Variants in ABCA6 observed in about 807,000 individuals in gnomAD.
The protein encoded by ABCA6 is ATP binding cassette subfamily A member 6.
ABCA6 carries 164 observed loss-of-function variants against 191.2 expected under a neutral mutation model. The ratio of observed to expected loss-of-function variants is 0.86; its 90% CI spans 0.76 to 0.98. ABCA6 has a LOEUF of 0.98. ABCA6 is among the 50% of genes least tolerant of loss of function. ABCA6 has a pLI of 0.00. For missense variants in ABCA6, 1,958 were observed against 1,894.1 expected (o/e 1.03, Z -0.63); for synonymous variants, 636 against 647.7 (o/e 0.98, Z 0.27).
chr17:69,082,957 T>C lies in ABCA6; in HGVS notation c.4532A>G (p.Glu1511Gly). Residue 1511 changes from glutamate (E) to glycine (G), a missense_variant, in exon 36 of 39, where the codon GAG becomes GGG. Glu to Gly is a moderately conservative substitution (Grantham distance 98). Coordinates refer to ENST00000284425, the MANE Select transcript of ABCA6 (RefSeq NM_080284.3). ...TTGAGACGTTTCCTTCACTTTTAGCTCTAGAATGTAATCCTTGCCAAGTTT... is the reference window on the plus strand; with the variant it reads ...TTGAGACGTTTCCTTCACTTTTAGCCCTAGAATGTAATCCTTGCCAAGTTT... ...KNKLGKDYIL[E>G]LKVKETSQVT... 6.2e-7 allele frequency: 1 copy of C among 1,614,214 alleles called. No individual in the cohort carries two copies. Among genetic ancestry groups the C allele is most frequent in the Non-Finnish European group, 8.5e-7 (1 of 1,180,036 alleles).
At chr17:69,093,997 T>C (rs1236182566) in intron 25 of ABCA6, among the ~76,000 whole-genome samples, 1 of 152,230 alleles carries the variant, frequency 6.6e-6, no homozygotes, top group Non-Finnish European at 1.5e-5. Context: ...CTTGCCTTAT[T>C]TGAATCCATA....
chr17:69,117,774 C>T (rs1354476239), intron 11 of ABCA6, 124 bp downstream of exon 11: 11 of 651,562 alleles, frequency 1.7e-5, no homozygotes, highest in African/African-American at 9.5e-5. Flanking sequence ...CAAGTGATAG[C>T]GTTATTTATA....
intron 31 of ABCA6, 88 bp downstream of exon 31, chr17:69,085,537 A>C: frequency 1.3e-6 from 1 of 793,958 alleles, no homozygotes; most frequent in Non-Finnish European, 1.9e-6. Flanking sequence ...AAAAAAAAAG[A>C]AAAGAAAAAT....
At chr17:69,109,786 G>A (rs1004616728) in intron 17 of ABCA6, 3 of 152,184 alleles carry the variant, frequency 2.0e-5, no homozygotes, top group Middle Eastern at 3.4e-3. Flanking sequence ...CAACTGTCAC[G>A]GTATTGCAGT....
In ABCA6 at chr17:69,083,276, G is replaced by A. The variant is rs1359790991; in HGVS notation, c.4411C>T (p.His1471Tyr). The A allele has an allele frequency of 8.1e-6, 13 of 1,610,594 alleles. No individual in the cohort carries two copies. Among genetic ancestry groups the A allele is most frequent in the South Asian group, 5.5e-5 (5 of 90,406 alleles). ...NTERGVLLTT[H>Y]NLAEAEALCD... ...AAGGCTTCCGCCTCAGCCAGGTTAT[G>A]GGTGGTCAGGAGGACACCTCTCTCT... is the stretch of plus-strand genomic sequence containing the variant. The change falls in exon 35 of 39, where the codon CAT becomes TAT. Residue 1471 changes from histidine to tyrosine, a missense_variant. His to Tyr is a moderately conservative substitution (Grantham distance 83, BLOSUM62 2). Coordinates refer to ENST00000284425, the MANE Select transcript of ABCA6 (RefSeq NM_080284.3).
rs769589427 is a variant in ABCA6 at position 69,110,920 on chromosome 17, C to A, written c.2153G>T (p.Cys718Phe). The change falls in exon 17 of 39, where the codon TGT becomes TTT. Residue 718 changes from cysteine (C) to phenylalanine (F), a missense_variant. Physicochemically the swap from Cys to Phe is radical, Grantham distance 205. Coordinates refer to ENST00000284425, the MANE Select transcript of ABCA6 (RefSeq NM_080284.3). The stretch of plus-strand genomic sequence containing the variant: ...GAAGGATGTTATTTGTTCTGGGTTA[C>A]ATATTTCATTCCTATGTAAACTAAT... Reference protein sequence around the residue: ...YHLSLHRNEICNPEQITSFIT... With the variant: ...YHLSLHRNEIFNPEQITSFIT... 6.2e-7 allele frequency: 1 copy of A among 1,604,522 alleles called. No individual in the cohort carries two copies. Among genetic ancestry groups the A allele is most frequent in the Non-Finnish European group, 8.5e-7 (1 of 1,176,466 alleles).
intron 20 of ABCA6, 128 bp from the exon 21 acceptor site, chr17:69,103,096 G>T: frequency 1.8e-6 from 1 of 559,068 alleles, no homozygotes; most frequent in Non-Finnish European, 3.0e-6. Flanking sequence ...CTTTCTTTGG[G>T]TATCACAATA....
In ABCA6 at chr17:69,113,665, G is replaced by C. The variant is rs780862905; in HGVS notation, c.1855C>G (p.Gln619Glu). Reference protein sequence around the residue: ...DNLAKHLSEGQKRKLTFGITI... With the variant: ...DNLAKHLSEGEKRKLTFGITI... The stretch of plus-strand genomic sequence containing the variant: ...ATCCCAAAAGTCAGCTTTCTTTTCT[G>C]TCCTTCACTTAAATGTTTAGCAAGG... Residue 619 changes from glutamine (Q) to glutamate (E), a missense_variant, in exon 14 of 39, where the codon CAG becomes GAG. Physicochemically the swap from Gln to Glu is conservative, Grantham distance 29. Coordinates refer to ENST00000284425, the MANE Select transcript of ABCA6 (RefSeq NM_080284.3). The C allele has an allele frequency of 6.2e-7, 1 of 1,612,946 alleles. No individual in the cohort carries two copies. The highest frequency in any genetic ancestry group is 1.1e-5 in the South Asian group (1 of 91,074).
rs769775113 is a variant in ABCA6, at chr17:69,102,980, T to G, written c.2741-12A>C. ...TTCAATATTTGATTCTAATATGAAG[T>G]TAATAAGAGAAGGCCATAGAAAAGT... On this transcript the variant is annotated splice_polypyrimidine_tract_variant and intron_variant, in intron 20 of 38. Transcript: ENST00000284425. The G allele has an allele frequency of 1.4e-6, 2 of 1,467,776 alleles. No individual in the cohort carries two copies. The highest frequency in any genetic ancestry group is 1.9e-6 in the Non-Finnish European group (2 of 1,067,570). 90.9% of individuals were successfully genotyped at this position (1,467,776 alleles called of 1,614,324 possible). A position where few individuals can be genotyped will look rare whatever the true frequency, so the allele number is the denominator to read the frequency against.
intron 21 of ABCA6, among the ~76,000 whole-genome samples, chr17:69,101,796 A>G (rs1008587047): frequency 2.0e-5 from 3 of 152,178 alleles, no homozygotes; most frequent in Non-Finnish European, 2.9e-5. Flanking sequence ...TTTAAATCTT[A>G]CCACTAGTTC....
intron 20 of ABCA6, chr17:69,103,927 C>CTTTTTTTTTT (rs2073236492): frequency 8.6e-4 from 5 of 5,790 alleles, no homozygotes; most frequent in African/African-American, 2.6e-3. Flanking sequence ...TTTTTTTTGC[C>CTTTTTTTTTT]TTTGAAATGG....
chr17:69,084,366 G>T lies in ABCA6; in HGVS notation c.4261-11C>A, dbSNP rs2072719661. ...CAGCACAAAACACAACTGCAATGTA[G>T]AAAAACACCCCTGTTTGCTGCCATA... is the stretch of plus-strand genomic sequence containing the variant. On this transcript the variant is annotated splice_polypyrimidine_tract_variant and intron_variant, in intron 33 of 38. Coordinates refer to ENST00000284425, the MANE Select transcript of ABCA6 (RefSeq NM_080284.3). 1 of 1,614,112 alleles carries T rather than the reference G, an allele frequency of 6.2e-7. No homozygotes were observed. The highest frequency in any genetic ancestry group is 1.3e-5 in the African/African-American group (1 of 75,024).
At chr17:69,098,137 T>A in intron 22 of ABCA6, 110 bp from the exon 23 acceptor site, 1 of 698,868 alleles carries the variant, frequency 1.4e-6, no homozygotes, top group Non-Finnish European at 2.2e-6. Flanking sequence ...AGTAAAGGTG[T>A]AGCTCATTAC....
At position 69,137,511 on chromosome 17, in the gene ABCA6, T is replaced by A. The variant is rs977208079; in HGVS notation, c.97-11A>T. 1 of 1,598,786 alleles carries A rather than the reference T, an allele frequency of 6.3e-7. No individual in the cohort carries two copies. Among genetic ancestry groups the A allele is most frequent in the Non-Finnish European group, 8.5e-7 (1 of 1,174,106 alleles). ...TGAGAGGCCCCATTCCTGTAATGCATATAAAAAGAAAAATAATGAATTAAG... is the reference window on the plus strand; with the variant it reads ...TGAGAGGCCCCATTCCTGTAATGCAAATAAAAAGAAAAATAATGAATTAAG... On this transcript the variant is annotated splice_polypyrimidine_tract_variant and intron_variant, in intron 2 of 38. Transcript: ENST00000284425.
intron 21 of ABCA6, among the ~76,000 whole-genome samples, chr17:69,101,522 G>C (rs1194951165): frequency 6.6e-6 from 1 of 151,174 alleles, no homozygotes; most frequent in Non-Finnish European, 1.5e-5. Flanking sequence ...CTTAAACTCA[G>C]AAGGCAGAGG....
intron 13 of ABCA6, 28 bp downstream of exon 13, chr17:69,114,734 G>A: frequency 1.3e-6 from 2 of 1,575,748 alleles, no homozygotes; most frequent in Non-Finnish European, 8.6e-7. Context: ...TGGTTGGCAG[G>A]TCAGTTAATC....
rs1470241707 is a variant in ABCA6, at chr17:69,096,293, T to C, written c.3355A>G (p.Ile1119Val). 2 of 1,534,970 alleles carry C rather than the reference T, an allele frequency of 1.3e-6. No homozygotes were observed. The highest frequency in any genetic ancestry group is 1.8e-6 in the Non-Finnish European group (2 of 1,142,300). The change falls in exon 25 of 39, where the codon ATT becomes GTT. Residue 1119 changes from isoleucine to valine, a missense_variant. Coordinates refer to ENST00000284425, the MANE Select transcript of ABCA6 (RefSeq NM_080284.3). ...CTGTTTTTTCTCCTTTTGCGAAAAA[T>C]AAATGATATCATATATATGAAGAAG... ...LVFFIYMISFIFRKRRKNSGL... is the reference protein window; with the variant it reads ...LVFFIYMISFVFRKRRKNSGL...
chr17:69,079,403 G>T, intron 37 of ABCA6, 138 bp from the exon 38 acceptor site: 1 of 532,258 alleles, frequency 1.9e-6, no homozygotes, highest in Non-Finnish European at 3.3e-6. Flanking sequence ...ATGTAAGGAT[G>T]AAATAATGAA....
At chr17:69,089,901 T>G (rs2072887988) in intron 26 of ABCA6, among the ~76,000 whole-genome samples, 1 of 152,176 alleles carries the variant, frequency 6.6e-6, no homozygotes, top group African/African-American at 2.4e-5. Context: ...GTAAAATTTC[T>G]GGGGGTTGAC....
Sources: allele counts gnomAD v4.1 joint callset (sites outside exome capture counted in the v4.1 genomes callset), GRCh38; gene constraint gnomAD v4.1.1; transcripts MANE v1.5; gene names NCBI Gene and HGNC (gene_info 2026-07-23, HGNC 2026-07-21).